The following NIBAN1 variants were observed in gnomAD, a reference collection of about 807,000 sequenced individuals.
The protein encoded by NIBAN1 is protein Niban 1.
NIBAN1 carries 81 observed loss-of-function variants against 75.1 expected under a neutral mutation model. The observed-to-expected ratio is 1.08, with a 90% CI of 0.90 to 1.30. The LOEUF (loss-of-function observed/expected upper bound fraction) is 1.30. Ranked by LOEUF, NIBAN1 falls within the 50% of genes most tolerant of loss-of-function variation. The pLI, the probability that NIBAN1 is intolerant of heterozygous loss-of-function variation, is 0.00. For synonymous variants in NIBAN1, 436 were observed against 424.8 expected, an observed-to-expected ratio of 1.03 and a Z score of -0.32; for missense variants, 1,133 against 1,128.1, an observed-to-expected ratio of 1.00 and a Z score of -0.06.
At chr1:184,884,486 A>T in intron 5 of NIBAN1, 147 bp downstream of exon 5, 1 of 1,034,996 alleles carries the variant, frequency 9.7e-7, no homozygotes, top group Non-Finnish European at 1.4e-6. Context: ...CAGCTTCCCA[A>T]AGTGCTGGGA....
intron 5 of NIBAN1, among the ~76,000 whole-genome samples, chr1:184,870,487 A>C (rs953822161): frequency 6.6e-6 from 1 of 152,198 alleles, no homozygotes; most frequent in African/African-American, 2.4e-5. Context: ...AACTCGAAAA[A>C]GTTCTGAACG....
chr1:184,945,232 T>C (rs1658191944), intron 1 of NIBAN1, among the ~76,000 whole-genome samples: 1 of 152,202 alleles, frequency 6.6e-6, no homozygotes, highest in Non-Finnish European at 1.5e-5. Context: ...GAACTGCTAC[T>C]TGGAGAGATA....
At position 184,869,733 on chromosome 1, in the gene NIBAN1, G is replaced by T. The variant is rs1309871233; in HGVS notation, c.601+14900C>A. 2.6e-5 allele frequency among the ~76,000 whole-genome samples: 4 copies of T among 151,950 alleles called. No homozygotes were observed. The East Asian group carries it at 7.7e-4, about 29-fold the overall frequency. Reference sequence around the variant, plus strand: ...ATTTTTGTATTTTTAGTAGAGATGGGTTTTCACCATGTTGGCCAGGCTAGT... The same window carrying T: ...ATTTTTGTATTTTTAGTAGAGATGGTTTTTCACCATGTTGGCCAGGCTAGT... On this transcript the variant is annotated intron_variant, in intron 5 of 13. Coordinates refer to ENST00000367511, the MANE Select transcript of NIBAN1 (RefSeq NM_052966.4).
chr1:184,953,205 T>C (rs777586853), intron 1 of NIBAN1, among the ~76,000 whole-genome samples: 6 of 152,266 alleles, frequency 3.9e-5, no homozygotes, highest in South Asian at 2.1e-4. Flanking sequence ...CCCCACTTTG[T>C]AGTGGAAGAA....
At chr1:184,870,619 A>G (rs1213269473) in intron 5 of NIBAN1, among the ~76,000 whole-genome samples, 1 of 152,192 alleles carries the variant, frequency 6.6e-6, no homozygotes, top group Non-Finnish European at 1.5e-5. Flanking sequence ...TCAGAACCTC[A>G]AGGATAATGC....
intron 1 of NIBAN1, among the ~76,000 whole-genome samples, chr1:184,966,849 A>G (rs945634110): frequency 5.9e-5 from 9 of 152,232 alleles, no homozygotes; most frequent in Non-Finnish European, 1.0e-4. Context: ...CCTTGAGACC[A>G]TGGACCTTTT....
At chr1:184,827,507 C>T (rs577676141) in intron 6 of NIBAN1, among the ~76,000 whole-genome samples, 8 of 149,950 alleles carry the variant, frequency 5.3e-5, no homozygotes, top group African/African-American at 2.0e-4. Flanking sequence ...TAGCCTCTTC[C>T]CCTCAGAACA....
intron 1 of NIBAN1, among the ~76,000 whole-genome samples, chr1:184,936,082 C>G (rs957083798): frequency 3.3e-5 from 5 of 151,192 alleles, no homozygotes; most frequent in Admixed American, 6.6e-5. Flanking sequence ...TTATGCTAAA[C>G]TAATTAAGTA....
At chr1:184,866,526 A>G (rs1396196785) in intron 5 of NIBAN1, among the ~76,000 whole-genome samples, 1 of 152,200 alleles carries the variant, frequency 6.6e-6, no homozygotes, top group African/African-American at 2.4e-5. Context: ...ACTTAACCCA[A>G]CTGTCAGCTC....
chr1:184,886,931 A>G (rs964861286), intron 4 of NIBAN1, among the ~76,000 whole-genome samples: 1 of 151,818 alleles, frequency 6.6e-6, no homozygotes, highest in Non-Finnish European at 1.5e-5. Flanking sequence ...GACCAGCCTG[A>G]CCAACATAGT....
At chr1:184,852,834 G>T (rs610035) in intron 5 of NIBAN1, among the ~76,000 whole-genome samples, 87,958 of 151,886 alleles carry the variant, frequency 0.58, 25,839 homozygotes, top group African/African-American at 0.66. Context: ...CTGCAGAAAG[G>T]CATCAATGTG....
intron 3 of NIBAN1, among the ~76,000 whole-genome samples, chr1:184,892,975 T>C (rs896565935): frequency 6.6e-6 from 1 of 152,180 alleles, no homozygotes; most frequent in Non-Finnish European, 1.5e-5. Context: ...TTTCATCATG[T>C]TGGCCATGCT....
chr1:184,866,710 T>G, intron 5 of NIBAN1, among the ~76,000 whole-genome samples: 1 of 152,136 alleles, frequency 6.6e-6, no homozygotes, highest in East Asian at 1.9e-4. Context: ...AATATGGAAC[T>G]AGAAATCAGA....
At chr1:184,895,961 G>A (rs888751596) in intron 2 of NIBAN1, among the ~76,000 whole-genome samples, 5 of 151,990 alleles carry the variant, frequency 3.3e-5, no homozygotes, top group South Asian at 2.1e-4. Flanking sequence ...CCAATCAACC[G>A]CTGGTGCACA....
chr1:184,926,052 A>G (rs1243536109), intron 1 of NIBAN1, among the ~76,000 whole-genome samples: 1 of 152,184 alleles, frequency 6.6e-6, no homozygotes, highest in African/African-American at 2.4e-5. Flanking sequence ...CTTGTCTAAG[A>G]AAGTTCTTAT....
At chr1:184,859,625 T>C (rs1655764531) in intron 5 of NIBAN1, among the ~76,000 whole-genome samples, 1 of 152,154 alleles carries the variant, frequency 6.6e-6, no homozygotes, top group Non-Finnish European at 1.5e-5. Flanking sequence ...ACCTGATTTC[T>C]GTTGTAAGAG....
chr1:184,918,399 G>A (rs1052741346), intron 1 of NIBAN1, among the ~76,000 whole-genome samples: 7 of 152,134 alleles, frequency 4.6e-5, no homozygotes. Context: ...TAACTGATCA[G>A]GTCCTTCCCC....
At chr1:184,940,744 G>T (rs1348461123) in intron 1 of NIBAN1, among the ~76,000 whole-genome samples, 1 of 152,162 alleles carries the variant, frequency 6.6e-6, no homozygotes, top group Non-Finnish European at 1.5e-5. Context: ...CATTAGTTCT[G>T]TGAGTAAAAA....
chr1:184,927,022 T>G (rs191193735), intron 1 of NIBAN1, among the ~76,000 whole-genome samples: 1 of 152,230 alleles, frequency 6.6e-6, no homozygotes, highest in African/African-American at 2.4e-5. Context: ...TATTTAAATA[T>G]CTTTGTTAAA....
Sources: allele counts gnomAD v4.1 joint callset (sites outside exome capture counted in the v4.1 genomes callset), GRCh38; gene constraint gnomAD v4.1.1; transcripts MANE v1.5; gene names NCBI Gene and HGNC (gene_info 2026-07-23, HGNC 2026-07-21).